Variants in PLAGL1 observed in about 807,000 individuals in gnomAD.
PLAGL1 encodes PLAG1 like zinc finger 1.
Under a neutral mutation model 4.6 loss-of-function variants are expected in PLAGL1, and 1 was observed. The ratio of observed to expected loss-of-function variants is 0.22; its 90% CI spans 0.08 to 1.03. PLAGL1 has a LOEUF of 1.03. Among genes scored for constraint, PLAGL1 ranks in the 50% least tolerant of loss-of-function variants. The pLI, the probability that PLAGL1 is intolerant of heterozygous loss-of-function variation, is 0.58. For missense variants in PLAGL1, 464 were observed against 570.4 expected, an observed-to-expected ratio of 0.81 and a Z score of 1.90; for synonymous variants, 240 against 237.8, an observed-to-expected ratio of 1.01 and a Z score of -0.08.
At chr6:143,944,783 CTTTT>C (rs34085526) in intron 7 of PLAGL1, among the ~76,000 whole-genome samples, 1 of 145,162 alleles carries the variant, frequency 6.9e-6, no homozygotes, top group Non-Finnish European at 1.5e-5. Flanking sequence ...GTATTTAAAC[CTTTT>C]TTTTTTTTTT....
At chr6:144,009,941 C>T (rs1795032217), upstream of PLAGL1, among the ~76,000 whole-genome samples, 1 of 152,100 alleles carries the variant, frequency 6.6e-6, no homozygotes, top group South Asian at 2.1e-4. Flanking sequence ...GGGTTGATTC[C>T]AAGTCTTTGC....
rs938456278 is a variant in PLAGL1, at chr6:143,955,364, A to C, written c.-325+5105T>G. Among the ~76,000 whole-genome samples the C allele has an allele frequency of 6.6e-6, 1 of 152,202 alleles. No homozygotes were observed. Among genetic ancestry groups the C allele is most frequent in the Non-Finnish European group, 1.5e-5 (1 of 68,042 alleles). ...AGGAGAAAACAGGCTAGAGAGATGG[A>C]GAATCGTGAAGGGTCCACTCTACAA... is the stretch of plus-strand genomic sequence containing the variant. On this transcript the variant is annotated intron_variant, in intron 6 of 7. Transcript: ENST00000674357. This position sits in a 1 kb window ranked among gnomAD's most constrained non-coding sequence, Gnocchi z 4.9.
Position 143,990,823 on chromosome 6 carries a change from A to G in PLAGL1, c.-583-5649T>C, listed in dbSNP as rs1055795473. On this transcript the variant is annotated intron_variant, in intron 1 of 7. Coordinates refer to ENST00000674357, the MANE Select transcript of PLAGL1 (RefSeq NM_001317162.2). The surrounding 1 kb of genome is among the most constrained non-coding windows in gnomAD (Gnocchi z 5.4). ...CCCTTGTGTCATGCCGCTGCATTAT[A>G]TATCAGACACATTCCTTAGAATATC... Among the ~76,000 whole-genome samples the G allele has an allele frequency of 6.6e-6, 1 of 152,210 alleles. No individual in the cohort carries two copies. Among genetic ancestry groups the G allele is most frequent in the Non-Finnish European group, 1.5e-5 (1 of 68,038 alleles).
chr6:144,006,708 C>G lies in PLAGL1; in HGVS notation c.-584+1382G>C, dbSNP rs1202051164. On this transcript the variant is annotated intron_variant, in intron 1 of 7. Transcript: ENST00000674357. This position sits in a 1 kb window ranked among gnomAD's most constrained non-coding sequence, Gnocchi z 4.3. ...TTTCTCCTTCAGGTAGGCATGAAGGCGGCATCCAGTTTTCTGCCATTACAG... is the reference window on the plus strand; with the variant it reads ...TTTCTCCTTCAGGTAGGCATGAAGGGGGCATCCAGTTTTCTGCCATTACAG... 1 of 152,110 alleles carries G rather than the reference C, an allele frequency of 6.6e-6. No individual in the cohort carries two copies. Among genetic ancestry groups the G allele is most frequent in the African/African-American group, 2.4e-5 (1 of 41,426 alleles). 9.4% of individuals were successfully genotyped at this position (152,110 alleles called of 1,614,324 possible). A position where few individuals can be genotyped will look rare whatever the true frequency, so the allele number is the denominator to read the frequency against.
At chr6:144,020,344 A>G (rs957247651) in intron 1 of PLAGL1, among the ~76,000 whole-genome samples, 4 of 151,842 alleles carry the variant, frequency 2.6e-5, no homozygotes, top group African/African-American at 4.8e-5. Context: ...CTGGAGTGCA[A>G]TGGTGCAATC....
rs78928389 is a variant in PLAGL1 at position 143,962,780 on chromosome 6, A to G, written c.-399+2007T>C. On this transcript the variant is annotated intron_variant, in intron 5 of 7. Transcript: ENST00000674357. This position sits in a 1 kb window ranked among gnomAD's most constrained non-coding sequence, Gnocchi z 5.3. The stretch of plus-strand genomic sequence containing the variant: ...CTGGTTTTACTTAAGCAAATTCTCC[A>G]AACTGACTTTTTTATTTCTAATGAT... Among the ~76,000 whole-genome samples the G allele has an allele frequency of 6.6e-3, 1,001 of 152,324 alleles. 40 individuals are homozygous for G. The East Asian group carries it at 0.11, about 17-fold the overall frequency.
intron 1 of PLAGL1, among the ~76,000 whole-genome samples, chr6:143,998,671 AG>A (rs1310107843): frequency 6.6e-5 from 10 of 152,264 alleles, no homozygotes; most frequent in Admixed American, 5.9e-4. Flanking sequence ...GAATTTAACA[AG>A]GGCTATAGAT....
At position 144,059,507 on chromosome 6, in the gene PLAGL1, C is replaced by T. The variant is rs2128730953; in HGVS notation, c.-151+4961G>A. Among the ~76,000 whole-genome samples the T allele has an allele frequency of 6.6e-6, 1 of 152,302 alleles. No homozygotes were observed. Among genetic ancestry groups the T allele is most frequent in the South Asian group, 2.1e-4 (1 of 4,822 alleles). On this transcript the variant is annotated intron_variant, in intron 1 of 3. Transcript: ENST00000437412. This position sits in a 1 kb window ranked among gnomAD's most constrained non-coding sequence, Gnocchi z 4.9. ...ATTCCCTTTCCTGGGGACCCTGTGA[C>T]CTCCTGCTCTGTAACCTCCCTTCTC... is the stretch of plus-strand genomic sequence containing the variant.
At chr6:144,013,161 T>C (rs11754802), upstream of PLAGL1, among the ~76,000 whole-genome samples, 1,268 of 152,300 alleles carry the variant, frequency 8.3e-3, 70 homozygotes, top group East Asian at 0.14. This position sits in a 1 kb window ranked among gnomAD's most constrained non-coding sequence, Gnocchi z 4.4. Context: ...CTGCAGACTA[T>C]TGAATGACTT....
intron 6 of PLAGL1, among the ~76,000 whole-genome samples, chr6:143,956,042 G>C (rs978486612): frequency 6.6e-6 from 1 of 152,362 alleles, no homozygotes; most frequent in East Asian, 1.9e-4. Context: ...GCAAGGAGAC[G>C]TGAAGCGTGG....
rs2128617758 is a variant in PLAGL1, at chr6:143,985,838, T to C, written c.-583-664A>G. 6.6e-6 allele frequency among the ~76,000 whole-genome samples: 1 copy of C among 151,058 alleles called. No homozygotes were observed. Among genetic ancestry groups the C allele is most frequent in the Non-Finnish European group, 1.5e-5 (1 of 67,814 alleles). On this transcript the variant is annotated intron_variant, in intron 1 of 7. Transcript: ENST00000674357. This position sits in a 1 kb window ranked among gnomAD's most constrained non-coding sequence, Gnocchi z 4.4. ...TCACAGATTCCATATTTTCAATATA[T>C]TACTAACAAGAAACCTCTGAGTGCT...
In PLAGL1 at chr6:143,950,485, C is replaced by A. The variant is rs1780819187; in HGVS notation, c.-324-2025G>T. Among the ~76,000 whole-genome samples the A allele has an allele frequency of 6.6e-6, 1 of 152,196 alleles. No homozygotes were observed. The highest frequency in any genetic ancestry group is 1.5e-5 in the Non-Finnish European group (1 of 68,042). On this transcript the variant is annotated intron_variant, in intron 6 of 7. Coordinates refer to ENST00000674357, the MANE Select transcript of PLAGL1 (RefSeq NM_001317162.2). The surrounding 1 kb of genome is among the most constrained non-coding windows in gnomAD (Gnocchi z 6.3). ...ACTTCTCACCCAGCCTAAGTTTGGC[C>A]ATAATACCGGCCCAGCTATAAAACA...
At position 144,005,576 on chromosome 6, in the gene PLAGL1, CAT is replaced by C. The variant is rs960161268; in HGVS notation, c.-584+2512_-584+2513del. The stretch of plus-strand genomic sequence containing the variant: ...ATTAAAGAACAAAATGTGGACAAAA[CAT>C]AAACTTAAAAATTCTTAGAAAAATA... On this transcript the variant is annotated intron_variant, in intron 1 of 7. Transcript: ENST00000674357. This position sits in a 1 kb window ranked among gnomAD's most constrained non-coding sequence, Gnocchi z 4.6. The C allele has an allele frequency of 2.6e-5, 4 of 152,030 alleles. No individual in the cohort carries two copies. Among genetic ancestry groups the C allele is most frequent in the African/African-American group, 7.2e-5 (3 of 41,398 alleles). The allele number at this position is 152,030 out of a possible 1,614,324, so 9.4% of individuals were successfully genotyped here.
chr6:144,039,928 T>C lies in PLAGL1; in HGVS notation c.-151+24540A>G, dbSNP rs1797594674. On this transcript the variant is annotated intron_variant, in intron 1 of 3. Coordinates refer to the PLAGL1 transcript ENST00000437412. This position sits in a 1 kb window ranked among gnomAD's most constrained non-coding sequence, Gnocchi z 4.1. ...GCATCCTTATGCCAATAAAAATGGA[T>C]GAAATTATAGTTAGGTTCAAAAGGC... is the stretch of plus-strand genomic sequence containing the variant. 6.6e-6 allele frequency among the ~76,000 whole-genome samples: 1 copy of C among 152,218 alleles called. No homozygotes were observed. Among genetic ancestry groups the C allele is most frequent in the Non-Finnish European group, 1.5e-5 (1 of 68,036 alleles).
chr6:144,019,887 C>G (rs563687023), intron 1 of PLAGL1, among the ~76,000 whole-genome samples: 114 of 151,988 alleles, frequency 7.5e-4, no homozygotes, highest in Non-Finnish European at 1.3e-3. Context: ...ACAACTCCCA[C>G]AAATGTAGAA....
upstream of PLAGL1, among the ~76,000 whole-genome samples, chr6:144,011,243 T>C (rs1375306693): frequency 6.6e-6 from 1 of 151,476 alleles, no homozygotes; most frequent in African/African-American, 2.4e-5. The surrounding 1 kb of genome is among the most constrained non-coding windows in gnomAD (Gnocchi z 4.3). Context: ...ACAAAGCACT[T>C]AAACAAATTT....
intron 6 of PLAGL1, among the ~76,000 whole-genome samples, chr6:143,951,722 C>T (rs1781116085): frequency 6.6e-6 from 1 of 152,216 alleles, no homozygotes; most frequent in African/African-American, 2.4e-5. Context: ...AGGTGAGGCA[C>T]ATTTCCTCCA....
rs932695924 is a variant in PLAGL1, at chr6:144,027,342, T to G, written c.-151+37126A>C. 1.3e-5 allele frequency among the ~76,000 whole-genome samples: 2 copies of G among 152,182 alleles called. No homozygotes were observed. Among genetic ancestry groups the G allele is most frequent in the Non-Finnish European group, 2.9e-5 (2 of 68,038 alleles). Reference sequence around the variant, plus strand: ...GTCTTTAAGAAGTGAAATCTGTAAGTATTCAGAATAAGAAGCAAAACTGCA... The same window carrying G: ...GTCTTTAAGAAGTGAAATCTGTAAGGATTCAGAATAAGAAGCAAAACTGCA... On this transcript the variant is annotated intron_variant, in intron 1 of 3. Transcript: ENST00000437412. This position sits in a 1 kb window ranked among gnomAD's most constrained non-coding sequence, Gnocchi z 5.8.
At chr6:143,987,186 C>T (rs781622183) in intron 1 of PLAGL1, among the ~76,000 whole-genome samples, 4 of 151,882 alleles carry the variant, frequency 2.6e-5, no homozygotes, top group African/African-American at 9.7e-5. Flanking sequence ...TATAATCTCC[C>T]CCAGTTACTC....
Sources: allele counts gnomAD v4.1 joint callset (sites outside exome capture counted in the v4.1 genomes callset), GRCh38; gene constraint gnomAD v4.1.1; non-coding constraint Gnocchi (gnomAD v3.1); transcripts MANE v1.5; gene names NCBI Gene and HGNC (gene_info 2026-07-23, HGNC 2026-07-21).